STXBP5L: variants seen among roughly 807,000 people sequenced by gnomAD.
The protein encoded by STXBP5L is syntaxin-binding protein 5-like.
Under a neutral mutation model 144.5 loss-of-function variants are expected in STXBP5L, and 65 were observed. That is an observed-to-expected ratio of 0.45 (90% confidence interval 0.37 to 0.55). The LOEUF (loss-of-function observed/expected upper bound fraction) is 0.55. Ranked by LOEUF, STXBP5L falls within the 20% of genes least tolerant of loss-of-function variation. STXBP5L has a pLI of 0.00. For synonymous variants in STXBP5L, 505 were observed against 469.6 expected (o/e 1.08, Z -0.97); for missense variants, 1,298 against 1,405.5 (o/e 0.92, Z 1.22).
At chr3:120,975,455 G>A (rs1300882360) in intron 3 of STXBP5L, among the ~76,000 whole-genome samples, 2 of 152,066 alleles carry the variant, frequency 1.3e-5, no homozygotes, top group Non-Finnish European at 2.9e-5. Flanking sequence ...TGAGACAATG[G>A]GGTTTTCTAG....
chr3:120,910,978 A>G (rs1468163449), intron 2 of STXBP5L, among the ~76,000 whole-genome samples: 1 of 152,116 alleles, frequency 6.6e-6, no homozygotes, highest in East Asian at 1.9e-4. Context: ...TGGTTATGAG[A>G]CAAATGTAAA....
At chr3:120,995,854 T>C (rs1943306428) in intron 3 of STXBP5L, among the ~76,000 whole-genome samples, 1 of 152,182 alleles carries the variant, frequency 6.6e-6, no homozygotes, top group Non-Finnish European at 1.5e-5. Context: ...CTTATGTTAC[T>C]ATTTCCTCTC....
chr3:121,311,483 A>G (rs1348576523), intron 19 of STXBP5L, among the ~76,000 whole-genome samples: 1 of 152,212 alleles, frequency 6.6e-6, no homozygotes, highest in Non-Finnish European at 1.5e-5. Flanking sequence ...AATTTTTAAA[A>G]TGGTGGAATT....
At chr3:120,925,026 T>G (rs1363929004) in intron 2 of STXBP5L, 1 of 152,248 alleles carries the variant, frequency 6.6e-6, no homozygotes, top group Non-Finnish European at 1.5e-5. Context: ...TTATTTTAAA[T>G]TGTTGTATTC....
At chr3:121,017,472 A>G (rs1348929096) in intron 3 of STXBP5L, among the ~76,000 whole-genome samples, 1 of 152,226 alleles carries the variant, frequency 6.6e-6, no homozygotes, top group Non-Finnish European at 1.5e-5. Context: ...AACAAAAGAT[A>G]TACAGATTGG....
chr3:121,378,998 A>T (rs114894276), intron 21 of STXBP5L, 112 bp downstream of exon 21: 2 of 1,113,408 alleles, frequency 1.8e-6, no homozygotes, highest in South Asian at 1.6e-5. Context: ...AAAAACTACT[A>T]ATCAGTGAAT....
intron 5 of STXBP5L, among the ~76,000 whole-genome samples, chr3:121,103,270 C>G (rs530131110): frequency 6.6e-6 from 1 of 152,254 alleles, no homozygotes; most frequent in East Asian, 1.9e-4. Context: ...TTCACAATAT[C>G]AAAGACATGG....
chr3:121,119,788 C>CT (rs2044380537), intron 6 of STXBP5L, among the ~76,000 whole-genome samples: 1 of 151,088 alleles, frequency 6.6e-6, no homozygotes, highest in South Asian at 2.1e-4. Context: ...TAATGTGAAC[C>CT]CTTTTTCCTC....
At chr3:121,018,128 A>T (rs563603842) in intron 3 of STXBP5L, among the ~76,000 whole-genome samples, 4 of 152,210 alleles carry the variant, frequency 2.6e-5, no homozygotes, top group Non-Finnish European at 4.4e-5. Flanking sequence ...GTACATGGAT[A>T]GCAATATTCA....
chr3:121,122,286 A>AC (rs1311486511), intron 7 of STXBP5L, among the ~76,000 whole-genome samples: 1 of 150,822 alleles, frequency 6.6e-6, no homozygotes, highest in Non-Finnish European at 1.5e-5. Flanking sequence ...TAAAGGATAG[A>AC]AACTGAATTA....
chr3:121,312,952 G>T (rs1174568368), intron 19 of STXBP5L, among the ~76,000 whole-genome samples: 1 of 152,166 alleles, frequency 6.6e-6, no homozygotes, highest in African/African-American at 2.4e-5. Context: ...TGTCATCATG[G>T]CCCATCACCA....
At chr3:121,413,363 T>C in intron 24 of STXBP5L, 40 bp downstream of exon 24, 1 of 1,468,976 alleles carries the variant, frequency 6.8e-7, no homozygotes, top group Non-Finnish European at 9.0e-7. Flanking sequence ...ACATTGGACA[T>C]GGTTGAGAGA....
At chr3:121,072,316 G>A (rs2041842605) in intron 5 of STXBP5L, among the ~76,000 whole-genome samples, 2 of 152,226 alleles carry the variant, frequency 1.3e-5, no homozygotes, top group Admixed American at 6.5e-5. Context: ...TATAACTCCA[G>A]TTTCTTGAAT....
At chr3:121,255,149 T>A in intron 16 of STXBP5L, 37 bp downstream of exon 16, 1 of 1,468,910 alleles carries the variant, frequency 6.8e-7, no homozygotes, top group Middle Eastern at 1.8e-4. Flanking sequence ...CTTTTACAGT[T>A]ATTAAAAGAA....
chr3:121,097,426 C>T (rs548686749), intron 5 of STXBP5L, among the ~76,000 whole-genome samples: 32 of 152,300 alleles, frequency 2.1e-4, no homozygotes, highest in Non-Finnish European at 4.7e-4. Flanking sequence ...GCTCGAAACC[C>T]AGGGCCCTGG....
At chr3:121,155,233 C>A (rs1387003982) in intron 8 of STXBP5L, among the ~76,000 whole-genome samples, 1 of 151,774 alleles carries the variant, frequency 6.6e-6, no homozygotes, top group Non-Finnish European at 1.5e-5. Flanking sequence ...TTTACAACAT[C>A]CTTCTACACA....
chr3:121,210,261 G>A (rs1324244599), intron 10 of STXBP5L, among the ~76,000 whole-genome samples: 6 of 152,058 alleles, frequency 3.9e-5, no homozygotes, highest in African/African-American at 1.4e-4. Flanking sequence ...CATACCCTTT[G>A]CCCATTTTTT....
chr3:121,014,249 T>G (rs1436436637), intron 3 of STXBP5L, among the ~76,000 whole-genome samples: 4 of 152,046 alleles, frequency 2.6e-5, no homozygotes, highest in Non-Finnish European at 5.9e-5. Context: ...TTAATGATAT[T>G]AATTCTTCCA....
intron 20 of STXBP5L, among the ~76,000 whole-genome samples, chr3:121,353,738 T>A (rs2045394289): frequency 6.6e-6 from 1 of 152,176 alleles, no homozygotes; most frequent in African/African-American, 2.4e-5. Flanking sequence ...TTGAATTTGT[T>A]TCCTCTTGCT....
Sources: gnomAD v4.1 joint callset for allele counts (sites outside exome capture counted in the v4.1 genomes callset) on GRCh38, gnomAD v4.1.1 for gene constraint, MANE v1.5 for transcripts, NCBI Gene and HGNC (gene_info 2026-07-23, HGNC 2026-07-21) for gene names.